The following JARID2 variants were observed in gnomAD, a reference collection of about 807,000 sequenced individuals.
JARID2 encodes the protein jumonji and AT-rich interaction domain containing 2, also known as protein Jumonji.
JARID2 carries 21 observed loss-of-function variants against 125.6 expected under a neutral mutation model. The ratio of observed to expected loss-of-function variants is 0.17; its 90% confidence interval spans 0.12 to 0.24. The LOEUF is 0.24. Among genes scored for constraint, JARID2 ranks in the 10% least tolerant of loss-of-function variants. The pLI is 1.00. For synonymous variants in JARID2, 736 were observed against 661.6 expected, an observed-to-expected ratio of 1.11 and a Z score of -1.73; for missense variants, 1,303 against 1,639.6, an observed-to-expected ratio of 0.79 and a Z score of 3.55.
At chr6:15,259,308 C>A (rs1288511895) in intron 1 of JARID2, among the ~76,000 whole-genome samples, 1 of 152,158 alleles carries the variant, frequency 6.6e-6, no homozygotes, top group South Asian at 2.1e-4. Context: ...TCTGTTTGTT[C>A]TATTTTCAGC....
Position 15,246,228 on chromosome 6 carries a change from A to T in JARID2, c.-312A>T. 1 of 459,018 alleles carries T rather than the reference A, an allele frequency of 2.2e-6. No homozygotes were observed. The highest frequency in any genetic ancestry group is 3.8e-6 in the Non-Finnish European group (1 of 263,076). The allele number at this position is 459,018 out of a possible 1,614,324, so 28.4% of individuals were successfully genotyped here. On this transcript the variant is annotated 5_prime_UTR_variant, in exon 1 of 18. Coordinates refer to ENST00000341776, the MANE Select transcript of JARID2 (RefSeq NM_004973.4). ...AGTTTTTGGAGGAAAAAGGGGGGGG[A>T]GTGAAGGGCGTCGGTTTTTTTTTGT... is the stretch of plus-strand genomic sequence containing the variant.
At chr6:15,386,397 T>C (rs1764788934) in intron 2 of JARID2, among the ~76,000 whole-genome samples, 2 of 152,324 alleles carry the variant, frequency 1.3e-5, no homozygotes, top group South Asian at 2.1e-4. Context: ...AGTGTACACA[T>C]ATAACCAAGT....
Position 15,501,188 on chromosome 6 carries a change from A to C in JARID2, c.2227A>C (p.Asn743His). The change falls in exon 8 of 18, where the codon AAC (asparagine) becomes CAC (histidine). Residue 743 changes from asparagine (N) to histidine (H), a missense_variant. Coordinates refer to ENST00000341776, the MANE Select transcript of JARID2 (RefSeq NM_004973.4). The part of the protein sequence containing the change: ...RKGPLEGHTE[N>H]DHHKFHPLPR... ...GGGGCCGCTGGAAGGCCACACAGAG[A>C]ACGACCACCACAAGTTCCACCCTCT... 1 of 1,614,080 alleles carries C rather than the reference A, an allele frequency of 6.2e-7. No individual in the cohort carries two copies. The highest frequency in any genetic ancestry group is 1.6e-4 in the Middle Eastern group (1 of 6,062).
At chr6:15,353,525 G>A (rs938301361) in intron 1 of JARID2, among the ~76,000 whole-genome samples, 2 of 152,156 alleles carry the variant, frequency 1.3e-5, no homozygotes, top group Non-Finnish European at 2.9e-5. Context: ...AACAACAACA[G>A]CAAAATTTTA....
intron 1 of JARID2, among the ~76,000 whole-genome samples, chr6:15,254,065 G>A (rs1263810154): frequency 6.6e-6 from 1 of 152,152 alleles, no homozygotes; most frequent in Non-Finnish European, 1.5e-5. Flanking sequence ...AAGTTGGAAG[G>A]GAGGGCAGTT....
intron 4 of JARID2, among the ~76,000 whole-genome samples, chr6:15,464,232 G>GT (rs1768599607): frequency 6.6e-6 from 1 of 152,196 alleles, no homozygotes. Flanking sequence ...TGGAATGCCA[G>GT]TTTGACCCCT....
Position 15,246,213 on chromosome 6 carries a change from G to A in JARID2, c.-327G>A. ...ACGTTTCGCTGATGTAGTTTTTGGA[G>A]GAAAAAGGGGGGGGAGTGAAGGGCG... is the stretch of plus-strand genomic sequence containing the variant. On this transcript the variant is annotated 5_prime_UTR_variant, in exon 1 of 18. Transcript: ENST00000341776. The A allele has an allele frequency of 2.1e-6, 1 of 470,880 alleles. No homozygotes were observed. Among genetic ancestry groups the A allele is most frequent in the Non-Finnish European group, 3.7e-6 (1 of 269,264 alleles). The allele number at this position is 470,880 out of a possible 1,614,324, so 29.2% of individuals were successfully genotyped here.
At chr6:15,273,917 AT>A (rs2127359093) in intron 1 of JARID2, among the ~76,000 whole-genome samples, 1 of 147,976 alleles carries the variant, frequency 6.8e-6, no homozygotes, top group South Asian at 2.2e-4. Flanking sequence ...TCTCTGAAAA[AT>A]TTTGTCTATA....
intron 12 of JARID2, among the ~76,000 whole-genome samples, 163 bp from the exon 13 acceptor site, chr6:15,511,133 C>G (rs533100389): frequency 6.6e-6 from 1 of 152,346 alleles, no homozygotes; most frequent in Non-Finnish European, 1.5e-5. Context: ...GAAATGGGAG[C>G]CAGCAGTGAC....
chr6:15,405,432 T>C (rs982771417), intron 2 of JARID2, among the ~76,000 whole-genome samples: 1 of 152,256 alleles, frequency 6.6e-6, no homozygotes, highest in Non-Finnish European at 1.5e-5. Flanking sequence ...CGTCAGCTGA[T>C]GGTGACTAGC....
chr6:15,288,059 A>G (rs1761068392), intron 1 of JARID2, among the ~76,000 whole-genome samples: 1 of 152,206 alleles, frequency 6.6e-6, no homozygotes, highest in Admixed American at 6.5e-5. Context: ...ACAGTCCCAA[A>G]GAGTGACCAC....
At chr6:15,478,475 A>G (rs890364020) in intron 5 of JARID2, among the ~76,000 whole-genome samples, 3 of 151,768 alleles carry the variant, frequency 2.0e-5, no homozygotes, top group Non-Finnish European at 4.4e-5. Context: ...CAAGTTGCCT[A>G]TAACTTGTAT....
intron 1 of JARID2, among the ~76,000 whole-genome samples, chr6:15,290,010 CTGTATAAT>C (rs1761147184): frequency 6.6e-6 from 1 of 152,156 alleles, no homozygotes; most frequent in South Asian, 2.1e-4. Context: ...GCTTCTATTG[CTGTATAAT>C]TGACAGTCAA....
intron 1 of JARID2, among the ~76,000 whole-genome samples, chr6:15,295,949 C>A (rs1473584246): frequency 6.6e-6 from 1 of 152,248 alleles, no homozygotes; most frequent in Non-Finnish European, 1.5e-5. Flanking sequence ...GCCTGAGCCA[C>A]TGTGCCTGGC....
At chr6:15,379,953 A>T (rs1442119374) in intron 2 of JARID2, among the ~76,000 whole-genome samples, 1 of 152,154 alleles carries the variant, frequency 6.6e-6, no homozygotes, top group Non-Finnish European at 1.5e-5. Flanking sequence ...TTCCAAAAAT[A>T]AGAATTTGTA....
At chr6:15,447,229 C>T (rs1042545546) in intron 3 of JARID2, among the ~76,000 whole-genome samples, 1 of 152,168 alleles carries the variant, frequency 6.6e-6, no homozygotes, top group African/African-American at 2.4e-5. Context: ...CAACATACTT[C>T]TTCCTCTGCT....
chr6:15,362,722 G>T (rs538505974), intron 1 of JARID2, among the ~76,000 whole-genome samples: 1 of 152,192 alleles, frequency 6.6e-6, no homozygotes, highest in Non-Finnish European at 1.5e-5. Context: ...GTGTCAAATT[G>T]CAGCGTGGCT....
At position 15,520,602 on chromosome 6, in the gene JARID2, T is replaced by C. The variant is rs1771789753; in HGVS notation, c.*351T>C. On this transcript the variant is annotated 3_prime_UTR_variant, in exon 18 of 18. Coordinates refer to ENST00000341776, the MANE Select transcript of JARID2 (RefSeq NM_004973.4). ...GGGGGGAAAAAGGCTTTTTAACCCA[T>C]TTTTGAAGAGGGTGAAGTTTGGAGA... is the stretch of plus-strand genomic sequence containing the variant. 1 of 280,966 alleles carries C rather than the reference T, an allele frequency of 3.6e-6. No homozygotes were observed. The highest frequency in any genetic ancestry group is 2.3e-5 in the African/African-American group (1 of 44,200). 17.4% of individuals were successfully genotyped at this position (280,966 alleles called of 1,614,324 possible).
At chr6:15,458,499 C>G (rs749263484) in intron 4 of JARID2, among the ~76,000 whole-genome samples, 5 of 152,188 alleles carry the variant, frequency 3.3e-5, no homozygotes, top group Non-Finnish European at 7.3e-5. Context: ...CCTTTTGTTT[C>G]TTCTGTCTTA....
Sources: gnomAD v4.1 joint callset for allele counts (sites outside exome capture counted in the v4.1 genomes callset) on GRCh38, gnomAD v4.1.1 for gene constraint, MANE v1.5 for transcripts, NCBI Gene and HGNC (gene_info 2026-07-23, HGNC 2026-07-21) for gene names.